Variants in NBAS observed in about 807,000 individuals in gnomAD.
NBAS encodes the protein NAG/BC035112 fusion.
A neutral mutation model predicts 302.5 loss-of-function variants in NBAS; 219 were observed. The observed-to-expected ratio is 0.72, with a 90% CI of 0.65 to 0.81. NBAS has a LOEUF of 0.81. Among genes scored for constraint, NBAS ranks in the 30% least tolerant of loss-of-function variants. The pLI is 0.00. For synonymous variants in NBAS, 1,118 were observed against 1,021.6 expected, an observed-to-expected ratio of 1.09 and a Z score of -1.80; for missense variants, 2,932 against 2,841.6, an observed-to-expected ratio of 1.03 and a Z score of -0.72.
Position 15,504,159 on chromosome 2 carries a change from G to C in NBAS, c.940C>G (p.Gln314Glu), listed in dbSNP as rs1448589025. ...ATTTGTGTTACCTGTTCTTGTCCCTGGCGACTGTAAAACTTGACACTTAAC... is the reference window on the plus strand; with the variant it reads ...ATTTGTGTTACCTGTTCTTGTCCCTCGCGACTGTAAAACTTGACACTTAAC... ...RMLSVKFYSR[Q>E]GQEQDGIFKM... Residue 314 changes from glutamine (Q) to glutamate (E), a missense_variant, in exon 11 of 52, where the codon CAG becomes GAG. By Grantham distance (29) the Gln-to-Glu change is conservative. Transcript: ENST00000281513. 1 of 1,613,188 alleles carries C rather than the reference G, an allele frequency of 6.2e-7. No homozygotes were observed. The highest frequency in any genetic ancestry group is 1.3e-5 in the African/African-American group (1 of 74,890).
At chr2:14,787,018 C>T in the NBAS span, among the ~76,000 whole-genome samples, 798 of 152,262 alleles carry the variant, frequency 5.2e-3, 4 homozygotes, top group African/African-American at 0.018. Flanking sequence ...GTATTGGGTG[C>T]ATATATATTT....
chr2:15,431,861 A>G (rs906489132), intron 21 of NBAS, among the ~76,000 whole-genome samples: 2 of 152,146 alleles, frequency 1.3e-5, no homozygotes, highest in Non-Finnish European at 2.9e-5. Context: ...AGACAAGAAT[A>G]CATGTTACCC....
rs143511630 is a variant in NBAS at position 15,428,176 on chromosome 2, G to A, written c.2340-382C>T. Reference sequence around the variant, plus strand: ...AGTAGTGCTTTCAACAGAACTTCCTGTGATCACAGAAATGTTTTGCATCTT... The same window carrying A: ...AGTAGTGCTTTCAACAGAACTTCCTATGATCACAGAAATGTTTTGCATCTT... On this transcript the variant is annotated intron_variant, in intron 21 of 51. Coordinates refer to ENST00000281513, the MANE Select transcript of NBAS (RefSeq NM_015909.4). Among the ~76,000 whole-genome samples, 507 of 152,270 alleles carry A rather than the reference G, an allele frequency of 3.3e-3. 2 individuals carry two copies. The highest frequency in any genetic ancestry group is 0.011 in the African/African-American group (465 of 41,556).
chr2:15,220,218 G>A (rs1180654250), intron 47 of NBAS, among the ~76,000 whole-genome samples: 49 of 140,390 alleles, frequency 3.5e-4, no homozygotes, highest in Non-Finnish European at 2.3e-4. Context: ...GCGGCTGGCC[G>A]GGCAGAGGGG....
At chr2:15,095,527 G>A in the NBAS span, among the ~76,000 whole-genome samples, 27 of 152,204 alleles carry the variant, frequency 1.8e-4, no homozygotes, top group Non-Finnish European at 3.8e-4. Context: ...ACCACACGTG[G>A]GAATTATGGG....
chr2:15,440,325 A>T (rs1022772245), intron 21 of NBAS, among the ~76,000 whole-genome samples: 14 of 152,202 alleles, frequency 9.2e-5, no homozygotes, highest in African/African-American at 1.7e-4. Flanking sequence ...CAGAGGAATG[A>T]TCAGACAGCA....
chr2:14,973,367 C>A, the NBAS span, among the ~76,000 whole-genome samples: 1 of 152,132 alleles, frequency 6.6e-6, no homozygotes, highest in Non-Finnish European at 1.5e-5. Flanking sequence ...ATAAAATAAA[C>A]CTCTACGAAG....
chr2:15,055,213 A>C, the NBAS span, among the ~76,000 whole-genome samples: 1 of 152,190 alleles, frequency 6.6e-6, no homozygotes, highest in African/African-American at 2.4e-5. Context: ...GGAAAATAAC[A>C]GTAAAAAGCC....
intron 44 of NBAS, among the ~76,000 whole-genome samples, chr2:15,252,789 C>A (rs953026287): frequency 6.6e-6 from 1 of 152,160 alleles, no homozygotes; most frequent in Non-Finnish European, 1.5e-5. Context: ...TCGCTATGAG[C>A]TAGGCCTGGC....
the NBAS span, among the ~76,000 whole-genome samples, chr2:15,067,736 T>C: frequency 6.6e-6 from 1 of 152,148 alleles, no homozygotes; most frequent in Admixed American, 6.6e-5. Context: ...TGAGTAAGTT[T>C]AGAGATCTGC....
intron 44 of NBAS, among the ~76,000 whole-genome samples, chr2:15,260,212 G>T (rs1668785742): frequency 6.6e-6 from 1 of 152,104 alleles, no homozygotes; most frequent in Admixed American, 6.6e-5. Flanking sequence ...AGGTAATCAG[G>T]TGATTTTAAT....
intron 38 of NBAS, among the ~76,000 whole-genome samples, chr2:15,311,778 G>A (rs1671288377): frequency 6.6e-6 from 1 of 151,926 alleles, no homozygotes; most frequent in Non-Finnish European, 1.5e-5. Flanking sequence ...TACAAGAGAG[G>A]ATTCAGAGTC....
the NBAS span, among the ~76,000 whole-genome samples, chr2:14,875,372 C>T: frequency 6.6e-6 from 1 of 152,132 alleles, no homozygotes; most frequent in Non-Finnish European, 1.5e-5. Flanking sequence ...GTAATCCCAG[C>T]ATTTTGGGAG....
intron 48 of NBAS, among the ~76,000 whole-genome samples, chr2:15,208,663 G>T (rs1666260447): frequency 6.6e-6 from 1 of 151,852 alleles, no homozygotes; most frequent in Non-Finnish European, 1.5e-5. Flanking sequence ...CACAAAACAA[G>T]TCTTAAAACA....
At chr2:14,817,444 T>C in the NBAS span, among the ~76,000 whole-genome samples, 1 of 152,212 alleles carries the variant, frequency 6.6e-6, no homozygotes, top group African/African-American at 2.4e-5. Context: ...GTCTTCTGTA[T>C]GAGACAATGA....
Position 15,366,709 on chromosome 2 carries a change from G to A in NBAS, c.3704-16C>T, listed in dbSNP as rs745836098. 107 of 1,609,342 alleles carry A rather than the reference G, an allele frequency of 6.6e-5. No homozygotes were observed. The highest frequency in any genetic ancestry group is 7.9e-5 in the Non-Finnish European group (93 of 1,175,914). On this transcript the variant is annotated splice_polypyrimidine_tract_variant and intron_variant, in intron 31 of 51. Coordinates refer to ENST00000281513, the MANE Select transcript of NBAS (RefSeq NM_015909.4). ...CACAATCGCACTACAAAAGAAAGACGTATTAAAGACTTGGACCAGGGACAT... is the reference window on the plus strand; with the variant it reads ...CACAATCGCACTACAAAAGAAAGACATATTAAAGACTTGGACCAGGGACAT...
chr2:15,519,358 G>C (rs1662552342), intron 9 of NBAS, among the ~76,000 whole-genome samples: 1 of 152,116 alleles, frequency 6.6e-6, no homozygotes, highest in Non-Finnish European at 1.5e-5. Flanking sequence ...AACAACCAGG[G>C]ATATGAATTC....
intron 40 of NBAS, among the ~76,000 whole-genome samples, chr2:15,298,282 T>C (rs1196290389): frequency 1.3e-5 from 2 of 152,172 alleles, no homozygotes; most frequent in African/African-American, 4.8e-5. Flanking sequence ...TATTTGTGTA[T>C]AAAAAAATTT....
the NBAS span, among the ~76,000 whole-genome samples, chr2:14,916,123 T>C: frequency 6.6e-6 from 1 of 152,164 alleles, no homozygotes; most frequent in South Asian, 2.1e-4. Context: ...ATAATGGTAA[T>C]ACTATCAGGT....
Sources: allele counts gnomAD v4.1 joint callset (sites outside exome capture counted in the v4.1 genomes callset), GRCh38; gene constraint gnomAD v4.1.1; transcripts MANE v1.5; gene names NCBI Gene and HGNC (gene_info 2026-07-23, HGNC 2026-07-21).